The following TCF20 variants were observed in gnomAD, a reference collection of about 807,000 sequenced individuals.
TCF20 encodes transcription factor 20.
In TCF20, 3 loss-of-function variants were observed where a neutral mutation model predicts 148.6. The ratio of observed to expected loss-of-function variants is 0.02; its 90% CI spans 0.01 to 0.05. TCF20 has a LOEUF of 0.05. Among genes scored for constraint, TCF20 ranks in the 10% least tolerant of loss-of-function variants. The pLI is 1.00. For missense variants in TCF20, 2,350 were observed against 2,429.3 expected (o/e 0.97, Z 0.69); for synonymous variants, 1,049 against 909.5 (o/e 1.15, Z -2.76).
chr22:42,317,829 T>C lies in TCF20; in HGVS notation c.-37+25650A>G, dbSNP rs1473115775. Among the ~76,000 whole-genome samples, 1 of 152,056 alleles carries C rather than the reference T, an allele frequency of 6.6e-6. No homozygotes were observed. The highest frequency in any genetic ancestry group is 2.4e-5 in the African/African-American group (1 of 41,382). The stretch of plus-strand genomic sequence containing the variant: ...AGGCAGCCAGCAGGGCCCAATTAGG[T>C]AGCCAGCTTCAAAGGCACCCATGAG... On this transcript the variant is annotated intron_variant, in intron 1 of 1. Coordinates refer to the TCF20 transcript ENST00000515426. This position sits in a 1 kb window ranked among gnomAD's most constrained non-coding sequence, Gnocchi z 4.2.
chr22:42,339,191 T>A (rs1928121316), intron 1 of TCF20, among the ~76,000 whole-genome samples: 1 of 152,166 alleles, frequency 6.6e-6, no homozygotes, highest in African/African-American at 2.4e-5. Context: ...CTAGCGCTCG[T>A]CCTCACACAA....
chr22:42,210,726 C>A lies in TCF20; in HGVS notation c.4580G>T (p.Gly1527Val), dbSNP rs1217947790. 6.2e-7 allele frequency: 1 copy of A among 1,614,224 alleles called. No homozygotes were observed. Among genetic ancestry groups the A allele is most frequent in the Non-Finnish European group, 8.5e-7 (1 of 1,180,038 alleles). Residue 1527 changes from glycine to valine, a missense_variant, in exon 2 of 6, where the codon GGT becomes GTT. Gly to Val is a moderately radical substitution (Grantham distance 109). This residue lies in a region of TCF20 where 231 missense variants were observed against 213.7 expected (regional missense o/e 1.08). Coordinates refer to ENST00000677622, the MANE Select transcript of TCF20 (RefSeq NM_001378418.1). The surrounding 1 kb of genome is among the most constrained non-coding windows in gnomAD (Gnocchi z 4.7). ...DTVTISPKQE[G>V]FPPKGYFPSG... ...TGGGAAATATCCCTTTGGAGGGAAA[C>A]CCTCTTGCTTCGGTGAAATCGTCAC... is the stretch of plus-strand genomic sequence containing the variant.
intron 1 of TCF20, among the ~76,000 whole-genome samples, chr22:42,257,639 C>A (rs771365672): frequency 4.6e-5 from 7 of 152,148 alleles, no homozygotes; most frequent in Admixed American, 3.3e-4. Flanking sequence ...CTATAAGGAC[C>A]TTAGAGCCTA....
chr22:42,334,259 C>A (rs1011421221), intron 1 of TCF20, among the ~76,000 whole-genome samples: 2 of 152,202 alleles, frequency 1.3e-5, no homozygotes, highest in African/African-American at 2.4e-5. Context: ...TGCCAACAAC[C>A]TAGGGACAGG....
chr22:42,174,762 G>C (rs976767900), intron 3 of TCF20, among the ~76,000 whole-genome samples: 12 of 151,250 alleles, frequency 7.9e-5, no homozygotes, highest in Non-Finnish European at 1.5e-4. Context: ...TTGGCCAGGC[G>C]CGGTGGCTCA....
At chr22:42,248,401 GTTTTACAGATAAAATACTGAC>G (rs1469987588) in intron 1 of TCF20, among the ~76,000 whole-genome samples, 1 of 152,090 alleles carries the variant, frequency 6.6e-6, no homozygotes, top group African/African-American at 2.4e-5. Context: ...CTTTATCCCC[GTTTTACAGATAAAATACTGAC>G]TTTATTGGGT....
At chr22:42,189,132 G>A (rs1601550511) in intron 2 of TCF20, among the ~76,000 whole-genome samples, 3 of 152,178 alleles carry the variant, frequency 2.0e-5, no homozygotes, top group African/African-American at 7.2e-5. Context: ...GGCCAACAAT[G>A]GCTGTTGCTG....
chr22:42,294,499 C>T (rs528878013), intron 1 of TCF20, among the ~76,000 whole-genome samples: 145 of 152,244 alleles, frequency 9.5e-4, no homozygotes, highest in African/African-American at 3.3e-3. Context: ...GCAGGCAGTG[C>T]TCCCAGGCGA....
rs1370111727 is a variant in TCF20 at position 42,299,039 on chromosome 22, G to A, written c.-37+44440C>T. Among the ~76,000 whole-genome samples the A allele has an allele frequency of 6.6e-6, 1 of 152,316 alleles. No homozygotes were observed. Among genetic ancestry groups the A allele is most frequent in the East Asian group, 1.9e-4 (1 of 5,162 alleles). ...ACCAACTGAAACAGAGAATAACCAT[G>A]GCAGTGATGGGTGGGCTCCAAGGGT... On this transcript the variant is annotated intron_variant, in intron 1 of 1. Coordinates refer to the TCF20 transcript ENST00000515426. The surrounding 1 kb of genome is among the most constrained non-coding windows in gnomAD (Gnocchi z 4.1).
At chr22:42,316,291 C>T (rs1927630137) in intron 1 of TCF20, among the ~76,000 whole-genome samples, 1 of 151,966 alleles carries the variant, frequency 6.6e-6, no homozygotes, top group South Asian at 2.1e-4. Flanking sequence ...CTGCAGGCTT[C>T]CAGGGCCAGA....
chr22:42,313,228 A>G (rs1310135207), intron 1 of TCF20, among the ~76,000 whole-genome samples: 1 of 152,226 alleles, frequency 6.6e-6, no homozygotes, highest in Non-Finnish European at 1.5e-5. Context: ...GCTAGGATGC[A>G]GGCGAACCCC....
intron 1 of TCF20, among the ~76,000 whole-genome samples, chr22:42,219,791 G>C (rs945064630): frequency 2.6e-4 from 39 of 152,272 alleles, no homozygotes; most frequent in African/African-American, 8.9e-4. Flanking sequence ...CGGAGGCAGA[G>C]GTTGCAGTGA....
At chr22:42,267,633 G>A (rs535291090) in intron 1 of TCF20, among the ~76,000 whole-genome samples, 210 of 152,144 alleles carry the variant, frequency 1.4e-3, no homozygotes, top group African/African-American at 4.3e-3. Flanking sequence ...CCCGGGAGGC[G>A]GAGGTTACAG....
At chr22:42,165,531 CA>C (rs1195791086) in intron 5 of TCF20, among the ~76,000 whole-genome samples, 1 of 152,284 alleles carries the variant, frequency 6.6e-6, no homozygotes, top group East Asian at 1.9e-4. Context: ...AGACAGTGGG[CA>C]ACCACGGGCC....
intron 1 of TCF20, among the ~76,000 whole-genome samples, chr22:42,316,596 C>A (rs970250609): frequency 6.6e-6 from 1 of 152,208 alleles, no homozygotes; most frequent in South Asian, 2.1e-4. Context: ...CGCCACCACG[C>A]CCGGCTGATT....
intron 1 of TCF20, among the ~76,000 whole-genome samples, chr22:42,262,438 T>TG (rs962581077): frequency 2.0e-5 from 3 of 152,078 alleles, no homozygotes; most frequent in Non-Finnish European, 2.9e-5. Context: ...CTTACAGAGT[T>TG]GGGGACAAAT....
chr22:42,329,238 T>C (rs890985911), intron 1 of TCF20, among the ~76,000 whole-genome samples: 6 of 152,164 alleles, frequency 3.9e-5, no homozygotes, highest in Admixed American at 2.0e-4. Context: ...CCTCCCTTCC[T>C]GCAGCAAGGC....
At chr22:42,223,922 T>C (rs1922609264) in intron 1 of TCF20, among the ~76,000 whole-genome samples, 1 of 152,170 alleles carries the variant, frequency 6.6e-6, no homozygotes, top group Non-Finnish European at 1.5e-5. Flanking sequence ...TAATAGGACT[T>C]CAGAATAAAA....
chr22:42,303,692 G>T (rs1181530535), intron 1 of TCF20, among the ~76,000 whole-genome samples: 1 of 152,174 alleles, frequency 6.6e-6, no homozygotes, highest in Non-Finnish European at 1.5e-5. Context: ...TTCACCAGGG[G>T]ACCCTTGCGG....
Sources: gnomAD v4.1 joint callset for allele counts (sites outside exome capture counted in the v4.1 genomes callset) on GRCh38, gnomAD v4.1.1 for gene constraint, gnomAD v4.1.1 regional missense constraint, Gnocchi (gnomAD v3.1) non-coding constraint, MANE v1.5 for transcripts, NCBI Gene and HGNC (gene_info 2026-07-23, HGNC 2026-07-21) for gene names.